The following BCKDHB variants were observed in gnomAD, a reference collection of about 807,000 sequenced individuals.
BCKDHB encodes the protein 2-oxoisovalerate dehydrogenase subunit beta, mitochondrial.
In BCKDHB, 41 loss-of-function variants were observed where a neutral mutation model predicts 48.5. The ratio of observed to expected loss-of-function variants is 0.85; its 90% CI spans 0.66 to 1.10. The LOEUF (loss-of-function observed/expected upper bound fraction) is 1.10, where lower values mean the gene tolerates loss of function less well. Ranked by LOEUF, BCKDHB falls within the 50% of genes least tolerant of loss-of-function variation. The probability of loss-of-function intolerance (pLI) is 0.00; values close to 1 mark genes in which losing one functional copy is unlikely to be tolerated. For missense variants in BCKDHB, 496 were observed against 494.2 expected, an observed-to-expected ratio of 1.00 and a Z score of -0.03; for synonymous variants, 201 against 174.8, an observed-to-expected ratio of 1.15 and a Z score of -1.18.
the BCKDHB span, among the ~76,000 whole-genome samples, chr6:80,363,997 T>C: frequency 1.3e-5 from 2 of 152,358 alleles, no homozygotes; most frequent in East Asian, 3.9e-4. Flanking sequence ...TTTGCATATA[T>C]GCAAGGCAGT....
chr6:80,255,987 T>A (rs755935496), intron 8 of BCKDHB, among the ~76,000 whole-genome samples: 84 of 152,294 alleles, frequency 5.5e-4, no homozygotes, highest in South Asian at 1.2e-3. Flanking sequence ...CTGAGGCTAT[T>A]TACCTTTGGT....
chr6:80,434,428 T>G, the BCKDHB span, among the ~76,000 whole-genome samples: 1 of 151,922 alleles, frequency 6.6e-6, no homozygotes, highest in Non-Finnish European at 1.5e-5. Flanking sequence ...TCTGCTAATT[T>G]TATCACCTCT....
At chr6:80,297,830 GCT>G (rs1767335481) in intron 9 of BCKDHB, among the ~76,000 whole-genome samples, 1 of 152,080 alleles carries the variant, frequency 6.6e-6, no homozygotes, top group Non-Finnish European at 1.5e-5. Flanking sequence ...ACATACCAAA[GCT>G]CTCTCATAAT....
At chr6:80,359,147 C>T in the BCKDHB span, among the ~76,000 whole-genome samples, 24 of 152,324 alleles carry the variant, frequency 1.6e-4, no homozygotes, top group African/African-American at 4.6e-4. Flanking sequence ...TTGTTCCTTG[C>T]GCATCATTCT....
At chr6:80,411,964 C>G in the BCKDHB span, among the ~76,000 whole-genome samples, 1 of 152,186 alleles carries the variant, frequency 6.6e-6, no homozygotes. Context: ...TGGGCTGCAC[C>G]CACTGTCCAG....
At chr6:80,176,142 T>C (rs1414828031) in intron 6 of BCKDHB, among the ~76,000 whole-genome samples, 1 of 152,134 alleles carries the variant, frequency 6.6e-6, no homozygotes, top group African/African-American at 2.4e-5. Context: ...TTTTAGATTA[T>C]ATGAAATATT....
intron 8 of BCKDHB, among the ~76,000 whole-genome samples, chr6:80,249,577 A>G (rs1194132799): frequency 6.6e-6 from 1 of 152,190 alleles, no homozygotes; most frequent in African/African-American, 2.4e-5. Flanking sequence ...GTTATGACTC[A>G]GTCATTTCAA....
the BCKDHB span, among the ~76,000 whole-genome samples, chr6:80,372,643 G>A: frequency 6.6e-6 from 1 of 152,042 alleles, no homozygotes; most frequent in African/African-American, 2.4e-5. Context: ...ATTTTGCTGA[G>A]GGTTTTAATC....
chr6:80,145,801 G>A (rs931524238), intron 3 of BCKDHB, among the ~76,000 whole-genome samples: 1 of 152,156 alleles, frequency 6.6e-6, no homozygotes, highest in Non-Finnish European at 1.5e-5. Context: ...CAGGAAGTAG[G>A]TAGTTACTGT....
intron 3 of BCKDHB, among the ~76,000 whole-genome samples, chr6:80,152,118 C>T (rs1006601368): frequency 2.0e-5 from 3 of 151,764 alleles, no homozygotes; most frequent in African/African-American, 7.3e-5. Flanking sequence ...TATTCAAGCA[C>T]TGTGGAGTCG....
At chr6:80,441,796 A>C in the BCKDHB span, among the ~76,000 whole-genome samples, 2 of 152,316 alleles carry the variant, frequency 1.3e-5, no homozygotes, top group South Asian at 4.1e-4. Context: ...TATACCAAAT[A>C]GCTACTAAGT....
chr6:80,412,442 C>G, the BCKDHB span, among the ~76,000 whole-genome samples: 5 of 152,184 alleles, frequency 3.3e-5, no homozygotes, highest in South Asian at 1.0e-3. Flanking sequence ...CCATCACACC[C>G]AGGCTATAGT....
At chr6:80,205,643 A>T (rs926744731) in intron 8 of BCKDHB, among the ~76,000 whole-genome samples, 2 of 152,010 alleles carry the variant, frequency 1.3e-5, no homozygotes, top group African/African-American at 4.8e-5. Flanking sequence ...AAAATTAGAG[A>T]CTTAAATGGT....
the BCKDHB span, among the ~76,000 whole-genome samples, chr6:80,363,693 A>G: frequency 6.6e-6 from 1 of 152,242 alleles, no homozygotes; most frequent in African/African-American, 2.4e-5. Context: ...GGAGATTACA[A>G]AAGAAATGTC....
At chr6:80,171,482 T>G in intron 6 of BCKDHB, 92 bp downstream of exon 6, 4 of 723,176 alleles carry the variant, frequency 5.5e-6, no homozygotes, top group Non-Finnish European at 8.9e-6. Flanking sequence ...TCTATATGGT[T>G]GATTTATATT....
intron 9 of BCKDHB, among the ~76,000 whole-genome samples, chr6:80,283,224 A>T (rs1766448618): frequency 6.6e-6 from 1 of 152,214 alleles, no homozygotes; most frequent in East Asian, 1.9e-4. Context: ...ACTGAAACTG[A>T]CATTACTAGC....
At chr6:80,412,158 T>TTC in the BCKDHB span, among the ~76,000 whole-genome samples, 1 of 151,846 alleles carries the variant, frequency 6.6e-6, no homozygotes, top group South Asian at 2.1e-4. Context: ...TTTTTTTTTT[T>TTC]TTTTTTAGAC....
At chr6:80,231,470 T>C (rs529642478) in intron 8 of BCKDHB, among the ~76,000 whole-genome samples, 3 of 152,340 alleles carry the variant, frequency 2.0e-5, no homozygotes, top group Non-Finnish European at 2.9e-5. Flanking sequence ...CTATTTTCTT[T>C]ACATCCAGTG....
the BCKDHB span, among the ~76,000 whole-genome samples, chr6:80,370,611 A>G: frequency 6.6e-6 from 1 of 152,124 alleles, no homozygotes; most frequent in Non-Finnish European, 1.5e-5. Context: ...TTGCAACCTC[A>G]TAGCTTAGCT....
Sources: allele counts gnomAD v4.1 joint callset (sites outside exome capture counted in the v4.1 genomes callset), GRCh38; gene constraint gnomAD v4.1.1; transcripts MANE v1.5; gene names NCBI Gene and HGNC (gene_info 2026-07-23, HGNC 2026-07-21).